The following DNM3 variants were observed in gnomAD, a reference collection of about 807,000 sequenced individuals.
The protein encoded by DNM3 is dynamin 3.
DNM3 carries 47 observed loss-of-function variants against 101.6 expected under a neutral mutation model. The ratio of observed to expected loss-of-function variants is 0.46; its 90% CI spans 0.37 to 0.59. The LOEUF (loss-of-function observed/expected upper bound fraction) is 0.59, where lower values mean the gene tolerates loss of function less well. Among genes scored for constraint, DNM3 ranks in the 20% least tolerant of loss-of-function variants. The probability of loss-of-function intolerance (pLI) is 0.00; values close to 1 mark genes in which losing one functional copy is unlikely to be tolerated. For missense variants in DNM3, 849 were observed against 1,085.7 expected, an observed-to-expected ratio of 0.78 and a Z score of 3.06; for synonymous variants, 385 against 387.9, an observed-to-expected ratio of 0.99 and a Z score of 0.09.
chr1:172,064,606 AT>A (rs1200106961), intron 10 of DNM3, among the ~76,000 whole-genome samples: 1 of 152,054 alleles, frequency 6.6e-6, no homozygotes, highest in Non-Finnish European at 1.5e-5. Flanking sequence ...GTAGGACTTT[AT>A]TTTTTAACCT....
intron 2 of DNM3, among the ~76,000 whole-genome samples, chr1:171,926,929 A>C (rs751500504): frequency 1.1e-4 from 16 of 152,238 alleles, no homozygotes; most frequent in Non-Finnish European, 2.1e-4. Context: ...TGAAAACCAC[A>C]TAGCTACCAT....
intron 1 of DNM3, among the ~76,000 whole-genome samples, chr1:171,901,673 C>T (rs865925687): frequency 1.4e-4 from 21 of 152,308 alleles, no homozygotes; most frequent in South Asian, 8.3e-4. Flanking sequence ...CAACTGAAGG[C>T]ATCACTATGT....
intron 2 of DNM3, among the ~76,000 whole-genome samples, chr1:171,972,866 C>A (rs56383319): frequency 2.2e-4 from 19 of 85,438 alleles, no homozygotes; most frequent in African/African-American, 6.4e-4. Flanking sequence ...AAACAAAAAA[C>A]AAAAACAACA....
chr1:172,028,423 T>A (rs1011728021), intron 4 of DNM3, among the ~76,000 whole-genome samples: 1 of 152,202 alleles, frequency 6.6e-6, no homozygotes, highest in Non-Finnish European at 1.5e-5. Context: ...AAGCAGTGTT[T>A]ATAGAGGAAG....
chr1:172,371,632 A>G (rs2068327677), intron 17 of DNM3, among the ~76,000 whole-genome samples: 1 of 151,852 alleles, frequency 6.6e-6, no homozygotes, highest in East Asian at 1.9e-4. Context: ...TCCACTTATA[A>G]GCACAGAAAT....
chr1:172,070,583 T>C (rs989693160), intron 11 of DNM3, among the ~76,000 whole-genome samples: 2 of 152,208 alleles, frequency 1.3e-5, no homozygotes, highest in African/African-American at 2.4e-5. Context: ...GTTTTTGTTT[T>C]AGTAAAATGG....
chr1:171,974,798 C>G (rs929516258), intron 2 of DNM3, among the ~76,000 whole-genome samples: 1 of 150,458 alleles, frequency 6.6e-6, no homozygotes, highest in Non-Finnish European at 1.5e-5. Flanking sequence ...ATTGAGTTTT[C>G]TTCATACTAA....
rs559048356 is a variant in DNM3 at position 172,322,831 on chromosome 1, T to C, written c.1882-498T>C. ...CTGCTCTCTTTTCCTTCTTTTTTTT[T>C]TTTTCCACCTTCTTTGAAACCAAGG... On this transcript the variant is annotated intron_variant, in intron 16 of 20. Transcript: ENST00000627582. Among the ~76,000 whole-genome samples, 270 of 152,192 alleles carry C rather than the reference T, an allele frequency of 1.8e-3. 1 individual carries two copies. The highest frequency in any genetic ancestry group is 6.4e-3 in the African/African-American group (265 of 41,524).
In DNM3 at chr1:172,410,883, T is replaced by C; in HGVS notation, c.*3042T>C. ...TAATTCTCAAATATGAAATGGGACC[T>C]AATACCAGTATGTGATAAATGTTGA... is the stretch of plus-strand genomic sequence containing the variant. On this transcript the variant is annotated 3_prime_UTR_variant, in exon 21 of 21. Transcript: ENST00000627582. The C allele has an allele frequency of 1.0e-6, 1 of 985,310 alleles. No homozygotes were observed. The highest frequency in any genetic ancestry group is 1.2e-6 in the Non-Finnish European group (1 of 829,816). 61.0% of individuals were successfully genotyped at this position (985,310 alleles called of 1,614,324 possible).
chr1:172,345,896 G>A (rs372603043), intron 17 of DNM3, among the ~76,000 whole-genome samples: 83 of 152,098 alleles, frequency 5.5e-4, no homozygotes, highest in African/African-American at 1.8e-3. Flanking sequence ...GCAGCCGGGC[G>A]GATCACGAGG....
At chr1:172,150,354 C>T (rs560833567) in intron 14 of DNM3, among the ~76,000 whole-genome samples, 1 of 152,116 alleles carries the variant, frequency 6.6e-6, no homozygotes, top group Non-Finnish European at 1.5e-5. Context: ...TTTATAAACA[C>T]TTATTTTAGT....
At chr1:171,954,389 G>A (rs1447564908) in intron 2 of DNM3, among the ~76,000 whole-genome samples, 1 of 152,086 alleles carries the variant, frequency 6.6e-6, no homozygotes, top group Non-Finnish European at 1.5e-5. Flanking sequence ...AATTCCTGGG[G>A]GAAATAATGC....
chr1:172,289,185 T>C (rs72721182), intron 15 of DNM3, among the ~76,000 whole-genome samples: 25,117 of 152,112 alleles, frequency 0.17, 2,437 homozygotes, highest in East Asian at 0.24. Context: ...ATTAGACTAT[T>C]ATAATTTCTG....
At chr1:172,322,694 C>T (rs2065774019) in intron 16 of DNM3, among the ~76,000 whole-genome samples, 1 of 152,086 alleles carries the variant, frequency 6.6e-6, no homozygotes, top group South Asian at 2.1e-4. Context: ...TCCTTGCTTC[C>T]CATGCCAACC....
chr1:171,973,996 T>G (rs992604224), intron 2 of DNM3, among the ~76,000 whole-genome samples: 12 of 152,080 alleles, frequency 7.9e-5, no homozygotes, highest in Admixed American at 7.9e-4. Flanking sequence ...TTTTGTTTTT[T>G]TTTTAATCAC....
At chr1:171,893,878 A>G (rs1273246876) in intron 1 of DNM3, among the ~76,000 whole-genome samples, 1 of 152,232 alleles carries the variant, frequency 6.6e-6, no homozygotes, top group Non-Finnish European at 1.5e-5. Context: ...AAGTATTGTT[A>G]TCATAAAGAT....
intron 17 of DNM3, chr1:172,338,997 A>G (rs1204179570): frequency 1.1e-5 from 5 of 457,674 alleles, no homozygotes; most frequent in Non-Finnish European, 2.2e-5. Context: ...TCAAAGGTGT[A>G]TTCACAGTTT....
chr1:172,160,062 TAAAA>T (rs61338593), intron 14 of DNM3, among the ~76,000 whole-genome samples: 1 of 110,558 alleles, frequency 9.0e-6, no homozygotes, highest in African/African-American at 3.2e-5. Context: ...GCATAAAAGA[TAAAA>T]AAAAAAAAAA....
intron 4 of DNM3, among the ~76,000 whole-genome samples, chr1:172,021,540 T>A (rs548267959): frequency 5.3e-5 from 8 of 152,286 alleles, no homozygotes; most frequent in African/African-American, 1.9e-4. Flanking sequence ...TTAATAATTA[T>A]CCCAGGACAA....
Sources: gnomAD v4.1 joint callset for allele counts (sites outside exome capture counted in the v4.1 genomes callset) on GRCh38, gnomAD v4.1.1 for gene constraint, MANE v1.5 for transcripts, NCBI Gene and HGNC (gene_info 2026-07-23, HGNC 2026-07-21) for gene names.